PTPRN2: variants seen among roughly 807,000 people sequenced by gnomAD.
The protein encoded by PTPRN2 is protein tyrosine phosphatase receptor type N2, also known as receptor-type tyrosine-protein phosphatase N2.
Under a neutral mutation model 118.8 loss-of-function variants are expected in PTPRN2, and 74 were observed. The ratio of observed to expected loss-of-function variants is 0.62; its 90% CI spans 0.52 to 0.76. The LOEUF is 0.76. Among genes scored for constraint, PTPRN2 ranks in the 30% least tolerant of loss-of-function variants. The pLI, the probability that PTPRN2 is intolerant of heterozygous loss-of-function variation, is 0.00. For synonymous variants in PTPRN2, 641 were observed against 608.0 expected (o/e 1.05, Z -0.80); for missense variants, 1,481 against 1,394.4 (o/e 1.06, Z -0.99).
intron 2 of PTPRN2, among the ~76,000 whole-genome samples, chr7:158,449,219 C>T (rs1200446253): frequency 1.3e-5 from 2 of 152,200 alleles, no homozygotes; most frequent in Admixed American, 1.3e-4. Flanking sequence ...GATGGTGTCT[C>T]CAATGACAGA....
intron 2 of PTPRN2, among the ~76,000 whole-genome samples, chr7:158,435,403 A>G (rs4909222): frequency 0.37 from 56,612 of 152,018 alleles, 11,689 homozygotes; most frequent in East Asian, 0.62. Flanking sequence ...ACAATGAGCT[A>G]TCATATCAAA....
At chr7:157,701,441 G>A (rs1370073127) in intron 12 of PTPRN2, among the ~76,000 whole-genome samples, 1 of 152,190 alleles carries the variant, frequency 6.6e-6, no homozygotes, top group Non-Finnish European at 1.5e-5. Context: ...AAAAGATGGT[G>A]GTCTTTATTC....
chr7:158,475,256 C>T lies in PTPRN2; in HGVS notation c.163+14479G>A, dbSNP rs564908604. ...GCCCCGAAGGGCCCCGAGGACTCCC[C>T]GGCTTCCCCTGTCTAGGGAGGCCCC... On this transcript the variant is annotated intron_variant, in intron 2 of 22. Coordinates refer to ENST00000389418, the MANE Select transcript of PTPRN2 (RefSeq NM_002847.5). 5.4e-4 allele frequency among the ~76,000 whole-genome samples: 79 copies of T among 147,418 alleles called. 1 individual carries two copies. The South Asian group carries it at 0.016, about 31-fold the overall frequency.
At chr7:158,170,419 G>A (rs563003455) in intron 5 of PTPRN2, among the ~76,000 whole-genome samples, 1 of 152,344 alleles carries the variant, frequency 6.6e-6, no homozygotes, top group East Asian at 1.9e-4. Context: ...TGAGTTGGAA[G>A]CTCCAGGTGC....
chr7:157,803,105 C>T (rs571489416), intron 12 of PTPRN2, among the ~76,000 whole-genome samples: 29 of 152,210 alleles, frequency 1.9e-4, no homozygotes, highest in East Asian at 7.7e-4. Context: ...GCTGGGATTA[C>T]GGGTGCCCGC....
chr7:157,649,291 G>C (rs1259042455), intron 14 of PTPRN2, among the ~76,000 whole-genome samples: 25 of 79,146 alleles, frequency 3.2e-4, no homozygotes, highest in African/African-American at 9.8e-4. Flanking sequence ...GACCCATCCA[G>C]CGTGCACTGA....
chr7:158,546,822 CAG>C lies in PTPRN2; in HGVS notation c.112+40734_112+40735del, dbSNP rs1032340406. Among the ~76,000 whole-genome samples the C allele has an allele frequency of 2.6e-5, 4 of 152,356 alleles. No homozygotes were observed. The highest frequency in any genetic ancestry group is 9.6e-5 in the African/African-American group (4 of 41,596). ...ATGCACCAACATGCAGATGCACACA[CAG>C]GGCATGGGCACTCCAGAGGGGCTCA... On this transcript the variant is annotated intron_variant, in intron 1 of 22. Coordinates refer to ENST00000389418, the MANE Select transcript of PTPRN2 (RefSeq NM_002847.5). The surrounding 1 kb of genome is among the most constrained non-coding windows in gnomAD (Gnocchi z 5.0).
intron 11 of PTPRN2, among the ~76,000 whole-genome samples, chr7:157,951,084 G>A (rs749662125): frequency 2.2e-4 from 34 of 152,050 alleles, no homozygotes; most frequent in Non-Finnish European, 4.0e-4. Context: ...TTGAGAGCAC[G>A]TACTCCTGGC....
intron 12 of PTPRN2, among the ~76,000 whole-genome samples, chr7:157,791,074 T>C (rs965826760): frequency 2.6e-5 from 4 of 152,246 alleles, no homozygotes; most frequent in Non-Finnish European, 5.9e-5. Context: ...CCGTTTCTTA[T>C]AATCTAATTG....
intron 1 of PTPRN2, among the ~76,000 whole-genome samples, chr7:158,586,431 G>T (rs750217701): frequency 6.6e-6 from 1 of 152,196 alleles, no homozygotes; most frequent in Non-Finnish European, 1.5e-5. Context: ...TGCAGGCGGC[G>T]CTGGGCAACG....
chr7:157,999,371 C>A (rs1805042743), intron 11 of PTPRN2, among the ~76,000 whole-genome samples: 1 of 152,152 alleles, frequency 6.6e-6, no homozygotes, highest in Admixed American at 6.5e-5. Flanking sequence ...CGTGTGCTGC[C>A]CGAATTTCTC....
intron 12 of PTPRN2, among the ~76,000 whole-genome samples, chr7:157,873,595 G>C (rs1237507038): frequency 1.0e-5 from 1 of 95,908 alleles, no homozygotes; most frequent in African/African-American, 4.9e-5. Context: ...CTGTCTCGTC[G>C]TGGGGGCCGG....
chr7:158,510,648 A>G (rs1204700943), intron 1 of PTPRN2, among the ~76,000 whole-genome samples: 21 of 152,250 alleles, frequency 1.4e-4, no homozygotes, highest in Admixed American at 1.4e-3. Flanking sequence ...ATTCACAGAT[A>G]TCAGAAATTC....
chr7:157,815,154 C>T (rs1420178307), intron 12 of PTPRN2, among the ~76,000 whole-genome samples: 5 of 152,236 alleles, frequency 3.3e-5, no homozygotes, highest in African/African-American at 9.6e-5. Context: ...GAAGATTCTG[C>T]GCCCTTCAGC....
intron 11 of PTPRN2, among the ~76,000 whole-genome samples, chr7:157,938,417 G>A (rs1369909115): frequency 1.3e-5 from 2 of 152,180 alleles, no homozygotes; most frequent in African/African-American, 4.8e-5. Context: ...TGCTCAGCAG[G>A]GACACAGGAG....
At chr7:157,957,099 G>A (rs1489172939) in intron 11 of PTPRN2, among the ~76,000 whole-genome samples, 2 of 152,228 alleles carry the variant, frequency 1.3e-5, no homozygotes, top group African/African-American at 4.8e-5. Flanking sequence ...ATGGCTCAGA[G>A]AGGTTCAGAA....
At chr7:158,239,690 C>T (rs1387673120) in intron 3 of PTPRN2, among the ~76,000 whole-genome samples, 1 of 152,206 alleles carries the variant, frequency 6.6e-6, no homozygotes, top group Non-Finnish European at 1.5e-5. Flanking sequence ...CGCTTCAGTG[C>T]CTGGGAAGCT....
intron 2 of PTPRN2, among the ~76,000 whole-genome samples, chr7:158,458,635 C>A (rs1183926601): frequency 1.3e-5 from 2 of 152,200 alleles, no homozygotes; most frequent in Non-Finnish European, 2.9e-5. Flanking sequence ...AGAGCCAGAA[C>A]CATGATCGTC....
intron 11 of PTPRN2, among the ~76,000 whole-genome samples, chr7:157,963,919 G>T (rs1006422020): frequency 3.9e-5 from 6 of 152,110 alleles, no homozygotes; most frequent in Non-Finnish European, 8.8e-5. Context: ...GCTCAGGCTG[G>T]TCTCAAACTC....
Sources: gnomAD v4.1 joint callset for allele counts (sites outside exome capture counted in the v4.1 genomes callset) on GRCh38, gnomAD v4.1.1 for gene constraint, Gnocchi (gnomAD v3.1) non-coding constraint, MANE v1.5 for transcripts, NCBI Gene and HGNC (gene_info 2026-07-23, HGNC 2026-07-21) for gene names.